Variants in ITCH observed in about 807,000 individuals in gnomAD.
ITCH encodes the protein itchy E3 ubiquitin protein ligase.
ITCH carries 28 observed loss-of-function variants against 126.8 expected under a neutral mutation model. The ratio of observed to expected loss-of-function variants is 0.22; its 90% confidence interval spans 0.16 to 0.30. ITCH has a LOEUF of 0.30. Ranked by LOEUF, ITCH falls within the 10% of genes least tolerant of loss-of-function variation. ITCH has a pLI of 1.00. For missense variants in ITCH, 631 were observed against 1,032.4 expected (o/e 0.61, Z 5.33); for synonymous variants, 342 against 340.0 (o/e 1.01, Z -0.06).
intron 24 of ITCH, among the ~76,000 whole-genome samples, chr20:34,505,969 A>G (rs1339026090): frequency 6.6e-6 from 1 of 152,226 alleles, no homozygotes; most frequent in Admixed American, 6.5e-5. Context: ...TGGGTTTAAT[A>G]TACATAACAT....
chr20:34,437,518 G>A (rs763136007), intron 7 of ITCH, among the ~76,000 whole-genome samples: 5 of 152,182 alleles, frequency 3.3e-5, no homozygotes, highest in African/African-American at 7.2e-5. Flanking sequence ...TGTTGCCCAG[G>A]CTGATCTGTC....
At chr20:34,475,285 T>C (rs1245084060) in intron 16 of ITCH, among the ~76,000 whole-genome samples, 1 of 151,924 alleles carries the variant, frequency 6.6e-6, no homozygotes, top group Non-Finnish European at 1.5e-5. Flanking sequence ...TCTCGGCACT[T>C]TGGGAGGCCA....
intron 3 of ITCH, among the ~76,000 whole-genome samples, chr20:34,397,552 C>T (rs1236885625): frequency 1.3e-5 from 2 of 152,130 alleles, no homozygotes; most frequent in South Asian, 2.1e-4. Flanking sequence ...CATATCTTAG[C>T]ATTATTATTT....
At chr20:34,453,542 C>T (rs370754745) in intron 12 of ITCH, among the ~76,000 whole-genome samples, 8 of 151,952 alleles carry the variant, frequency 5.3e-5, no homozygotes, top group South Asian at 2.1e-4. Flanking sequence ...GGCTATAGTG[C>T]GCTGTGATTG....
In ITCH at chr20:34,401,670, A is replaced by G. The variant is rs1282209925; in HGVS notation, c.71-6981A>G. 2.0e-5 allele frequency: 20 copies of G among 976,188 alleles called. No homozygotes were observed. The South Asian group carries it at 5.7e-4, about 28-fold the overall frequency. 60.5% of individuals were successfully genotyped at this position (976,188 alleles called of 1,614,324 possible). ...ACCTAGGAAGTAGACTGTGGAATCA[A>G]TCGGTCCTCCTCACCTTAAGGGCCA... On this transcript the variant is annotated intron_variant, in intron 3 of 24. Transcript: ENST00000374864.
chr20:34,426,062 G>A (rs753819636), intron 7 of ITCH, among the ~76,000 whole-genome samples: 4 of 152,234 alleles, frequency 2.6e-5, no homozygotes, highest in South Asian at 2.1e-4. Flanking sequence ...CCTGGAAATC[G>A]GTAACAGCAG....
intron 3 of ITCH, among the ~76,000 whole-genome samples, chr20:34,394,754 T>C (rs1451529331): frequency 6.6e-6 from 1 of 152,172 alleles, no homozygotes; most frequent in Admixed American, 6.6e-5. Context: ...AAAATGGTTA[T>C]ATACTCTTCT....
intron 7 of ITCH, among the ~76,000 whole-genome samples, chr20:34,430,122 G>A (rs1982086013): frequency 6.6e-6 from 1 of 152,186 alleles, no homozygotes. Flanking sequence ...TGCTCAACAT[G>A]TCTATTCTTC....
chr20:34,427,486 C>T (rs1468714738), intron 7 of ITCH, among the ~76,000 whole-genome samples: 5 of 151,942 alleles, frequency 3.3e-5, no homozygotes, highest in African/African-American at 1.2e-4. Flanking sequence ...GTGGCACGTG[C>T]CTGTAGTCCC....
At chr20:34,376,843 TA>T (rs1392970331) in intron 2 of ITCH, among the ~76,000 whole-genome samples, 1 of 151,798 alleles carries the variant, frequency 6.6e-6, no homozygotes, top group Non-Finnish European at 1.5e-5. Context: ...GGAATGAAAA[TA>T]AAGGGGGAAA....
intron 23 of ITCH, among the ~76,000 whole-genome samples, chr20:34,498,037 T>A (rs953191795): frequency 6.6e-6 from 1 of 152,252 alleles, no homozygotes; most frequent in African/African-American, 2.4e-5. Context: ...TAGTTTTTGC[T>A]GTAGAGATCG....
intron 16 of ITCH, chr20:34,476,198 C>T (rs973962717): frequency 1.2e-6 from 1 of 800,786 alleles, no homozygotes; most frequent in Admixed American, 1.7e-5. Flanking sequence ...TTTTCAACCA[C>T]AACGTCTAGC....
chr20:34,486,338 T>A (rs868770532), intron 20 of ITCH, among the ~76,000 whole-genome samples: 1 of 150,940 alleles, frequency 6.6e-6, no homozygotes, highest in Non-Finnish European at 1.5e-5. Context: ...TTTTTTTTTT[T>A]CCCCCGAGAC....
At chr20:34,400,438 T>G (rs115185730) in intron 3 of ITCH, among the ~76,000 whole-genome samples, 41 of 151,906 alleles carry the variant, frequency 2.7e-4, no homozygotes, top group Non-Finnish European at 5.6e-4. Flanking sequence ...GCAAGACACA[T>G]GAAAGAAGAG....
intron 14 of ITCH, among the ~76,000 whole-genome samples, chr20:34,466,688 AT>A (rs1481467319): frequency 1.3e-5 from 2 of 152,202 alleles, no homozygotes; most frequent in Non-Finnish European, 2.9e-5. Context: ...ACACCACATC[AT>A]TACCATTGCT....
chr20:34,396,998 A>G (rs1333927233), intron 3 of ITCH, among the ~76,000 whole-genome samples: 1 of 151,946 alleles, frequency 6.6e-6, no homozygotes, highest in East Asian at 1.9e-4. Flanking sequence ...CCCTCTGTCT[A>G]CATATGGTGT....
At chr20:34,447,433 T>G (rs1984599597) in intron 11 of ITCH, among the ~76,000 whole-genome samples, 1 of 152,164 alleles carries the variant, frequency 6.6e-6, no homozygotes, top group Non-Finnish European at 1.5e-5. Context: ...TTATTGAGTA[T>G]ATGAAGTGGC....
intron 11 of ITCH, 144 bp downstream of exon 11, chr20:34,445,605 T>C (rs1379865502): frequency 4.1e-6 from 3 of 734,314 alleles, no homozygotes; most frequent in Non-Finnish European, 6.9e-6. Flanking sequence ...TTTTAGACCT[T>C]GTCTGGGGTA....
rs576161297 is a variant in ITCH at position 34,374,201 on chromosome 20, A to G, written c.-22+4731A>G. Among the ~76,000 whole-genome samples the G allele has an allele frequency of 8.5e-5, 13 of 152,296 alleles. 1 individual carries two copies. In the South Asian group the frequency reaches 2.7e-3, roughly 32 times the overall value. On this transcript the variant is annotated intron_variant, in intron 2 of 24. Transcript: ENST00000374864. Reference sequence around the variant, plus strand: ...GCTTGTTAGGCCTTCATTCGTGCAAAGAAAGAGTAGGTTCTACAATTTTGT... The same window carrying G: ...GCTTGTTAGGCCTTCATTCGTGCAAGGAAAGAGTAGGTTCTACAATTTTGT...
Sources: gnomAD v4.1 joint callset for allele counts (sites outside exome capture counted in the v4.1 genomes callset) on GRCh38, gnomAD v4.1.1 for gene constraint, MANE v1.5 for transcripts, NCBI Gene and HGNC (gene_info 2026-07-23, HGNC 2026-07-21) for gene names.